Variants in GPR137C observed in about 807,000 individuals in gnomAD.
The protein encoded by GPR137C is integral membrane protein GPR137C.
Under a neutral mutation model 43.4 loss-of-function variants are expected in GPR137C, and 27 were observed. That is an observed-to-expected ratio of 0.62 (90% CI 0.46 to 0.86). GPR137C has a LOEUF of 0.86. Among genes scored for constraint, GPR137C ranks in the 40% least tolerant of loss-of-function variants. The pLI is 0.00. For synonymous variants in GPR137C, 285 were observed against 226.9 expected (o/e 1.26, Z -2.30); for missense variants, 522 against 534.6 (o/e 0.98, Z 0.23).
chr14:52,594,452 A>G (rs970679479), intron 1 of GPR137C, among the ~76,000 whole-genome samples: 2 of 152,118 alleles, frequency 1.3e-5, no homozygotes, highest in South Asian at 2.1e-4. Flanking sequence ...TTGGGAGTCT[A>G]AGTCTCTTTG....
chr14:52,589,270 T>A (rs990874128), intron 1 of GPR137C, among the ~76,000 whole-genome samples: 2 of 152,100 alleles, frequency 1.3e-5, no homozygotes, highest in Non-Finnish European at 2.9e-5. Context: ...GTATAGAGTT[T>A]CAGTTTGGGA....
In GPR137C at chr14:52,553,056, G is replaced by C. The variant is rs1394810342; in HGVS notation, c.-92G>C. 1 of 609,236 alleles carries C rather than the reference G, an allele frequency of 1.6e-6. No homozygotes were observed. Among genetic ancestry groups the C allele is most frequent in the Admixed American group, 5.3e-5 (1 of 18,732 alleles). The allele number at this position is 609,236 out of a possible 1,614,324, so 37.7% of individuals were successfully genotyped here. On this transcript the variant is annotated 5_prime_UTR_variant, in exon 1 of 7. Transcript: ENST00000321662. ...TGGGGTTAGAGGCTGGGGTGGGTGG[G>C]GGGTAAGGGGGCAGTCCTTCTCCCC...
At chr14:52,584,838 C>A (rs1231952542) in intron 1 of GPR137C, among the ~76,000 whole-genome samples, 1 of 152,084 alleles carries the variant, frequency 6.6e-6, no homozygotes, top group African/African-American at 2.4e-5. Context: ...TGGCCCCAAG[C>A]AATCCTCTTA....
chr14:52,610,593 A>G (rs562309687), intron 3 of GPR137C, among the ~76,000 whole-genome samples: 1 of 152,372 alleles, frequency 6.6e-6, no homozygotes, highest in Middle Eastern at 3.4e-3. Context: ...GAAAAAAAGT[A>G]GTACATATCG....
At chr14:52,610,772 T>G (rs2039030224) in intron 3 of GPR137C, among the ~76,000 whole-genome samples, 1 of 152,164 alleles carries the variant, frequency 6.6e-6, no homozygotes, top group Non-Finnish European at 1.5e-5. Flanking sequence ...AGTAACCAAA[T>G]AAGCCTTCAC....
At position 52,636,630 on chromosome 14, in the gene GPR137C, C is replaced by T. The variant is rs1273069883; in HGVS notation, c.*1515C>T. On this transcript the variant is annotated 3_prime_UTR_variant, in exon 7 of 7. Coordinates refer to ENST00000321662, the MANE Select transcript of GPR137C (RefSeq NM_001099652.2). ...ACAATAACTTCATAAAAGTATAACA[C>T]TAGGTTGAAACCTTAAGGAAAAATT... The T allele has an allele frequency of 1.3e-5, 2 of 152,234 alleles. No homozygotes were observed. Among genetic ancestry groups the T allele is most frequent in the East Asian group, 1.9e-4 (1 of 5,192 alleles). 9.4% of individuals were successfully genotyped at this position (152,234 alleles called of 1,614,324 possible).
intron 3 of GPR137C, among the ~76,000 whole-genome samples, chr14:52,607,273 A>C (rs1441989251): frequency 6.6e-6 from 1 of 152,170 alleles, no homozygotes; most frequent in Non-Finnish European, 1.5e-5. Context: ...CAGCAGTTGG[A>C]TGAAATGTTT....
At position 52,606,685 on chromosome 14, in the gene GPR137C, A is replaced by T. The variant is rs138980231; in HGVS notation, c.717+6344A>T. Among the ~76,000 whole-genome samples the T allele has an allele frequency of 4.0e-3, 605 of 152,024 alleles. 4 individuals carry two copies. Among genetic ancestry groups the T allele is most frequent in the African/African-American group, 0.014 (580 of 41,472 alleles). On this transcript the variant is annotated intron_variant, in intron 3 of 6. Coordinates refer to ENST00000321662, the MANE Select transcript of GPR137C (RefSeq NM_001099652.2). ...TTTCATCCTTAGTTTTAATTATTTGAGTCTTCTCTTTTTGTTAGTCTAGCT... is the reference window on the plus strand; with the variant it reads ...TTTCATCCTTAGTTTTAATTATTTGTGTCTTCTCTTTTTGTTAGTCTAGCT...
intron 3 of GPR137C, among the ~76,000 whole-genome samples, chr14:52,616,418 C>A (rs1282566540): frequency 6.6e-6 from 1 of 152,146 alleles, no homozygotes; most frequent in Non-Finnish European, 1.5e-5. Flanking sequence ...GTTATCCCCA[C>A]AAGTAGCTGG....
Position 52,632,149 on chromosome 14 carries a change from A to G in GPR137C, c.718-11A>G, listed in dbSNP as rs775294988. ...TAGAATACTAAAGATGATGATTTTT[A>G]TTTGTTTTAGGGTATGTCTCTGTGC... On this transcript the variant is annotated splice_polypyrimidine_tract_variant and intron_variant, in intron 3 of 6. Coordinates refer to ENST00000321662, the MANE Select transcript of GPR137C (RefSeq NM_001099652.2). The G allele has an allele frequency of 5.0e-6, 8 of 1,587,886 alleles. No individual in the cohort carries two copies. Among genetic ancestry groups the G allele is most frequent in the Non-Finnish European group, 6.9e-6 (8 of 1,158,754 alleles).
rs1450171433 is a variant in GPR137C, at chr14:52,601,498, G to GTATATA, written c.717+1164_717+1169dup. Among the ~76,000 whole-genome samples, 82 of 148,298 alleles carry GTATATA rather than the reference G, an allele frequency of 5.5e-4. 1 individual carries two copies. The highest frequency in any genetic ancestry group is 2.0e-3 in the African/African-American group (81 of 40,756). ...ATATTATGTGTGTGTGTGTGTGTGTGTATATATATATAGAGAGAGAGAGAG... is the reference window on the plus strand; with the variant it reads ...ATATTATGTGTGTGTGTGTGTGTGTGTATATATATATATATATAGAGAGAGAGAGAG... On this transcript the variant is annotated intron_variant, in intron 3 of 6. Coordinates refer to ENST00000321662, the MANE Select transcript of GPR137C (RefSeq NM_001099652.2).
At chr14:52,600,399 A>G in intron 3 of GPR137C, 58 bp downstream of exon 3, 1 of 844,638 alleles carries the variant, frequency 1.2e-6, no homozygotes, top group Admixed American at 2.6e-5. Context: ...TTACCCTACT[A>G]ATCATATTTT....
At chr14:52,579,370 G>A (rs149678515) in intron 1 of GPR137C, among the ~76,000 whole-genome samples, 2 of 152,242 alleles carry the variant, frequency 1.3e-5, no homozygotes, top group Admixed American at 6.5e-5. Context: ...TATGGACTAG[G>A]GAAAGAGAGA....
At chr14:52,563,410 A>G (rs2038316490) in intron 1 of GPR137C, among the ~76,000 whole-genome samples, 1 of 152,112 alleles carries the variant, frequency 6.6e-6, no homozygotes, top group Non-Finnish European at 1.5e-5. Flanking sequence ...CTGATTTGAC[A>G]TCTTCATGGT....
chr14:52,599,776 A>G (rs2038901758), intron 2 of GPR137C, among the ~76,000 whole-genome samples: 2 of 152,228 alleles, frequency 1.3e-5, no homozygotes, highest in Admixed American at 6.5e-5. Flanking sequence ...AATTTAATCA[A>G]TATGAATTTA....
chr14:52,585,956 A>C (rs895475279), intron 1 of GPR137C, among the ~76,000 whole-genome samples: 1 of 152,222 alleles, frequency 6.6e-6, no homozygotes, highest in African/African-American at 2.4e-5. Flanking sequence ...CAAAGCCCCC[A>C]AATTCATAGG....
chr14:52,578,040 C>A (rs2038590105), intron 1 of GPR137C, among the ~76,000 whole-genome samples: 1 of 152,152 alleles, frequency 6.6e-6, no homozygotes, highest in Non-Finnish European at 1.5e-5. Context: ...CTATGAACAT[C>A]TCTATACAAT....
chr14:52,568,447 C>T (rs757312200), intron 1 of GPR137C, among the ~76,000 whole-genome samples: 2 of 151,848 alleles, frequency 1.3e-5, no homozygotes, highest in Admixed American at 6.6e-5. Context: ...GGAACACCAG[C>T]GAAACAACCG....
intron 3 of GPR137C, among the ~76,000 whole-genome samples, chr14:52,621,677 A>G (rs1471330786): frequency 2.0e-5 from 3 of 151,826 alleles, no homozygotes; most frequent in African/African-American, 4.8e-5. Context: ...AAGTTCTAAC[A>G]TTTATATCAA....
Sources: gnomAD v4.1 joint callset for allele counts (sites outside exome capture counted in the v4.1 genomes callset) on GRCh38, gnomAD v4.1.1 for gene constraint, MANE v1.5 for transcripts, NCBI Gene and HGNC (gene_info 2026-07-23, HGNC 2026-07-21) for gene names.